The following ZNF407 variants were observed in gnomAD, a reference collection of about 807,000 sequenced individuals.
ZNF407 encodes zinc finger protein 407.
A neutral mutation model predicts 131.2 loss-of-function variants in ZNF407; 17 were observed. That is an observed-to-expected ratio of 0.13 (90% CI 0.09 to 0.19). The LOEUF is 0.19. ZNF407 is among the 10% of genes least tolerant of loss of function. The pLI, the probability that ZNF407 is intolerant of heterozygous loss-of-function variation, is 1.00. For missense variants in ZNF407, 2,681 were observed against 2,830.6 expected, an observed-to-expected ratio of 0.95 and a Z score of 1.20; for synonymous variants, 1,156 against 1,062.0, an observed-to-expected ratio of 1.09 and a Z score of -1.72.
intron 8 of ZNF407, among the ~76,000 whole-genome samples, chr18:75,058,268 C>T (rs1338873129): frequency 1.3e-5 from 2 of 152,214 alleles, no homozygotes; most frequent in Non-Finnish European, 2.9e-5. Context: ...ATCCTCTCCC[C>T]AAAAGCAAAT....
At chr18:74,886,646 T>C (rs1370262684) in intron 6 of ZNF407, among the ~76,000 whole-genome samples, 1 of 152,168 alleles carries the variant, frequency 6.6e-6, no homozygotes, top group African/African-American at 2.4e-5. Flanking sequence ...GTCCAGACAA[T>C]AGAGAATTCA....
At chr18:74,803,834 A>G in intron 4 of ZNF407, 1 of 954,532 alleles carries the variant, frequency 1.0e-6, no homozygotes, top group African/African-American at 1.6e-5. Flanking sequence ...TTTTATCAAT[A>G]TTAATACTTT....
intron 4 of ZNF407, among the ~76,000 whole-genome samples, chr18:74,816,650 A>C (rs1037468575): frequency 2.6e-5 from 4 of 152,234 alleles, no homozygotes; most frequent in Non-Finnish European, 5.9e-5. Flanking sequence ...ATACAATTGG[A>C]TATGACATTT....
intron 4 of ZNF407, among the ~76,000 whole-genome samples, chr18:74,829,825 T>A (rs1970458082): frequency 6.6e-6 from 1 of 152,094 alleles, no homozygotes; most frequent in Non-Finnish European, 1.5e-5. Context: ...TTTTTTTTTT[T>A]ATTTACAAAA....
At chr18:74,751,320 T>G (rs2144944791) in intron 3 of ZNF407, among the ~76,000 whole-genome samples, 1 of 152,282 alleles carries the variant, frequency 6.6e-6, no homozygotes, top group East Asian at 1.9e-4. Flanking sequence ...TTTTCTAATG[T>G]GGCTACGCAC....
chr18:74,919,361 G>A (rs543394516), intron 7 of ZNF407, among the ~76,000 whole-genome samples: 117 of 152,228 alleles, frequency 7.7e-4, no homozygotes, highest in Admixed American at 1.4e-3. Context: ...AAACGTTCAG[G>A]CACTGTAGAC....
chr18:74,709,202 A>C (rs1220860072), intron 3 of ZNF407, among the ~76,000 whole-genome samples: 3 of 152,230 alleles, frequency 2.0e-5, no homozygotes, highest in Admixed American at 1.3e-4. Context: ...AATCTTTAAA[A>C]ATTGCATACG....
chr18:74,835,638 G>GTT (rs141155373), intron 4 of ZNF407, among the ~76,000 whole-genome samples: 3,150 of 150,186 alleles, frequency 0.021, 122 homozygotes, highest in African/African-American at 0.072. Context: ...GGGTGTGTGT[G>GTT]TGTGTGTGTG....
chr18:74,706,831 C>T (rs1967634632), intron 3 of ZNF407, among the ~76,000 whole-genome samples: 1 of 152,124 alleles, frequency 6.6e-6, no homozygotes, highest in Non-Finnish European at 1.5e-5. Flanking sequence ...CCGTGATGGA[C>T]ACAACGCTTC....
intron 4 of ZNF407, among the ~76,000 whole-genome samples, chr18:74,830,765 G>A (rs1970471194): frequency 6.6e-6 from 1 of 152,044 alleles, no homozygotes; most frequent in Non-Finnish European, 1.5e-5. Context: ...TCTTTGTGTT[G>A]GGGACATTCA....
intron 4 of ZNF407, among the ~76,000 whole-genome samples, chr18:74,833,337 C>T (rs568975646): frequency 8.5e-5 from 13 of 152,314 alleles, no homozygotes; most frequent in African/African-American, 2.9e-4. Flanking sequence ...AGGGAAATAG[C>T]ACATAAACAG....
intron 3 of ZNF407, among the ~76,000 whole-genome samples, chr18:74,648,563 A>C (rs938159139): frequency 2.0e-5 from 3 of 152,234 alleles, no homozygotes; most frequent in African/African-American, 7.2e-5. Flanking sequence ...TTCAGAATCA[A>C]GGGGCATGGG....
chr18:74,647,302 T>C (rs1303122114), intron 3 of ZNF407, among the ~76,000 whole-genome samples: 1 of 151,912 alleles, frequency 6.6e-6, no homozygotes, highest in Non-Finnish European at 1.5e-5. Context: ...TAATTAGCTG[T>C]GTGTGGTGGT....
intron 7 of ZNF407, among the ~76,000 whole-genome samples, chr18:74,915,343 T>A (rs1971734433): frequency 6.7e-6 from 1 of 150,330 alleles, no homozygotes; most frequent in South Asian, 2.1e-4. Context: ...TGTGTGTGTG[T>A]GTGTGTGTGC....
intron 2 of ZNF407, 53 bp from the exon 3 acceptor site, chr18:74,640,955 A>G: frequency 2.3e-6 from 3 of 1,313,600 alleles, no homozygotes; most frequent in Non-Finnish European, 3.3e-6. Context: ...TTTCTAAGCT[A>G]TTGGTGATGT....
chr18:74,761,480 T>C (rs749671895), intron 3 of ZNF407, among the ~76,000 whole-genome samples: 18 of 152,170 alleles, frequency 1.2e-4, no homozygotes, highest in Non-Finnish European at 2.5e-4. Context: ...TGGTTTGATA[T>C]TACAAGATGT....
At chr18:74,645,397 T>G (rs1006153149) in intron 3 of ZNF407, among the ~76,000 whole-genome samples, 2 of 151,948 alleles carry the variant, frequency 1.3e-5, no homozygotes, top group African/African-American at 4.8e-5. Flanking sequence ...GATTTAGGAG[T>G]TGCATTGTTT....
intron 1 of ZNF407, among the ~76,000 whole-genome samples, chr18:74,617,897 A>G (rs1983383564): frequency 6.6e-6 from 1 of 152,126 alleles, no homozygotes; most frequent in African/African-American, 2.4e-5. Flanking sequence ...CTTGCTTGAT[A>G]TGGTCTTTGC....
At chr18:74,918,645 G>C (rs1971804964) in intron 7 of ZNF407, among the ~76,000 whole-genome samples, 1 of 152,162 alleles carries the variant, frequency 6.6e-6, no homozygotes, top group African/African-American at 2.4e-5. Flanking sequence ...CACCCAGATT[G>C]ACAGAGCCTT....
Sources: allele counts gnomAD v4.1 joint callset (sites outside exome capture counted in the v4.1 genomes callset), GRCh38; gene constraint gnomAD v4.1.1; transcripts MANE v1.5; gene names NCBI Gene and HGNC (gene_info 2026-07-23, HGNC 2026-07-21).